TFB2M: variants seen among roughly 807,000 people sequenced by gnomAD.
The protein encoded by TFB2M is transcription factor B2, mitochondrial.
Under a neutral mutation model 41.3 loss-of-function variants are expected in TFB2M, and 44 were observed. The observed-to-expected ratio is 1.07, with a 90% CI of 0.84 to 1.37. TFB2M has a LOEUF of 1.37. Among genes scored for constraint, TFB2M ranks in the 40% most tolerant of loss-of-function variants. The probability of loss-of-function intolerance (pLI) is 0.00; values close to 1 mark genes in which losing one functional copy is unlikely to be tolerated. For synonymous variants in TFB2M, 188 were observed against 176.8 expected (o/e 1.06, Z -0.50); for missense variants, 496 against 490.2 (o/e 1.01, Z -0.11).
At position 246,551,261 on chromosome 1, in the gene TFB2M, T is replaced by C. The variant is rs147986673; in HGVS notation, c.747A>G (p.Val249=). ...ADPGNPDLYH[V]LSVIWQLACE... is the part of the protein sequence containing the mutation. Reference sequence around the variant, plus strand: ...AAGCTAATTGCCAGATAACACTTAATACATGATACAAGTCTGGATTTCCGG... The same window carrying C: ...AAGCTAATTGCCAGATAACACTTAACACATGATACAAGTCTGGATTTCCGG... Residue 249 remains valine (V), a synonymous_variant, in exon 5 of 8, where the codon GTA becomes GTG. Coordinates refer to ENST00000366514, the MANE Select transcript of TFB2M (RefSeq NM_022366.3). The C allele has an allele frequency of 1.9e-6, 3 of 1,613,982 alleles. No homozygotes were observed. Among genetic ancestry groups the C allele is most frequent in the African/African-American group, 1.3e-5 (1 of 75,052 alleles).
intron 6 of TFB2M, among the ~76,000 whole-genome samples, chr1:246,546,306 G>A (rs111651536): frequency 0.014 from 1,915 of 140,646 alleles, 40 homozygotes; most frequent in African/African-American, 0.046. Flanking sequence ...GTGAGACACT[G>A]TCTTTTAAAA....
At chr1:246,545,090 G>A (rs1470343370) in intron 6 of TFB2M, among the ~76,000 whole-genome samples, 2 of 152,062 alleles carry the variant, frequency 1.3e-5, no homozygotes, top group Middle Eastern at 3.2e-3. Context: ...ACAGGCGTGA[G>A]CCACCGTGCC....
Position 246,546,962 on chromosome 1 carries a change from TATATACACA to T in TFB2M, c.858+1574_858+1582del, listed in dbSNP as rs1659036017. Among the ~76,000 whole-genome samples the T allele has an allele frequency of 8.1e-5, 6 of 74,038 alleles. No individual in the cohort carries two copies. In the East Asian group the frequency reaches 1.5e-3, roughly 19 times the overall value. The allele number at this position is 74,038 out of a possible 152,430, so 48.6% of individuals were successfully genotyped here. Reference sequence around the variant, plus strand: ...TCATCCCTAAAAGTTTATATATGTATATATACACACACACACACACATTTTTTTTTTTTT... The same window carrying T: ...TCATCCCTAAAAGTTTATATATGTATCACACACACACATTTTTTTTTTTTT... On this transcript the variant is annotated intron_variant, in intron 6 of 7. Transcript: ENST00000366514.
In TFB2M at chr1:246,540,887, T is replaced by C. The variant is rs1362207205; in HGVS notation, c.*144A>G. 6 of 642,872 alleles carry C rather than the reference T, an allele frequency of 9.3e-6. No individual in the cohort carries two copies. Among genetic ancestry groups the C allele is most frequent in the Admixed American group, 3.5e-5 (1 of 28,548 alleles). 39.8% of individuals were successfully genotyped at this position (642,872 alleles called of 1,614,324 possible). On this transcript the variant is annotated 3_prime_UTR_variant, in exon 8 of 8. Transcript: ENST00000366514. ...TGTTTCATCCAATAAGCCAATGATA[T>C]CAGCTTAGGAGAAATGATCTGCCTG... is the stretch of plus-strand genomic sequence containing the variant.
rs1558508377 is a variant in TFB2M at position 246,544,608 on chromosome 1, T to A, written c.932A>T (p.Asn311Ile). Residue 311 changes from asparagine to isoleucine, a missense_variant, in exon 7 of 8, where the codon AAC (asparagine) becomes ATC (isoleucine). By Grantham distance (149) the Asn-to-Ile change is moderately radical. Coordinates refer to ENST00000366514, the MANE Select transcript of TFB2M (RefSeq NM_022366.3). Reference sequence around the variant, plus strand: ...TATATTATAGTTCATAGGTGTTAAGTTCTTGGTAAATAAATTTTGACGAGG... The same window carrying A: ...TATATTATAGTTCATAGGTGTTAAGATCTTGGTAAATAAATTTTGACGAGG... ...MIPRQNLFTKNLTPMNYNIFF... is the reference protein window; with the variant it reads ...MIPRQNLFTKILTPMNYNIFF... The A allele has an allele frequency of 6.2e-7, 1 of 1,610,232 alleles. No individual in the cohort carries two copies. The highest frequency in any genetic ancestry group is 1.1e-5 in the South Asian group (1 of 89,686).
chr1:246,543,237 G>A (rs150261460), intron 7 of TFB2M, among the ~76,000 whole-genome samples: 69 of 152,046 alleles, frequency 4.5e-4, no homozygotes, highest in Middle Eastern at 6.8e-3. Flanking sequence ...AATATTAAAT[G>A]ATCAAATTTG....
chr1:246,550,202 G>C (rs1456192178), intron 5 of TFB2M, among the ~76,000 whole-genome samples: 2 of 152,224 alleles, frequency 1.3e-5, no homozygotes, highest in African/African-American at 4.8e-5. Context: ...CAGAAGACTT[G>C]AGATGAAAGT....
intron 4 of TFB2M, among the ~76,000 whole-genome samples, chr1:246,553,081 G>A (rs966201832): frequency 1.2e-4 from 19 of 152,128 alleles, no homozygotes; most frequent in Admixed American, 9.2e-4. Context: ...AAGTAGCTGG[G>A]CATGGTGGCG....
In TFB2M at chr1:246,540,751, T is replaced by G. The variant is rs1468032926; in HGVS notation, c.*280A>C. 1 of 322,362 alleles carries G rather than the reference T, an allele frequency of 3.1e-6. No individual in the cohort carries two copies. Among genetic ancestry groups the G allele is most frequent in the Non-Finnish European group, 5.7e-6 (1 of 175,000 alleles). 20.0% of individuals were successfully genotyped at this position (322,362 alleles called of 1,614,324 possible). On this transcript the variant is annotated 3_prime_UTR_variant, in exon 8 of 8. Transcript: ENST00000366514. ...AAGAAGATGCAAAAATCAGCAACAG[T>G]ACAAGTGAAATATTTAAATAGGAAT...
intron 7 of TFB2M, among the ~76,000 whole-genome samples, chr1:246,542,155 T>G (rs533000742): frequency 1.3e-5 from 2 of 152,084 alleles, no homozygotes; most frequent in African/African-American, 4.8e-5. Context: ...TACAGCATCT[T>G]TATAATCTTA....
At chr1:246,546,983 A>ACACACACACACACACACACACACACACAC (rs764498048) in intron 6 of TFB2M, among the ~76,000 whole-genome samples, 4 of 127,180 alleles carry the variant, frequency 3.1e-5, no homozygotes, top group African/African-American at 8.9e-5. Context: ...ACACACACAC[A>ACACACACACACACACACACACACACACAC]TTTTTTTTTT....
intron 2 of TFB2M, among the ~76,000 whole-genome samples, chr1:246,557,957 C>A (rs1659367278): frequency 6.6e-6 from 1 of 152,118 alleles, no homozygotes; most frequent in South Asian, 2.1e-4. Flanking sequence ...GCGTGAGCCA[C>A]CACGCCCGGC....
intron 3 of TFB2M, among the ~76,000 whole-genome samples, chr1:246,556,957 A>G (rs1659339754): frequency 6.6e-6 from 1 of 152,112 alleles, no homozygotes; most frequent in African/African-American, 2.4e-5. Flanking sequence ...CTGCTCATAA[A>G]CTGTATTAAT....
chr1:246,551,173 G>C, intron 5 of TFB2M, 40 bp downstream of exon 5: 1 of 1,508,330 alleles, frequency 6.6e-7, no homozygotes, highest in Non-Finnish European at 9.2e-7. Context: ...AGACCCTGTC[G>C]CTAAAGAAAA....
chr1:246,557,517 C>G lies in TFB2M; in HGVS notation c.420G>C (p.Leu140=). ...AGTGAATCACTCGTAGTTTTCCATC[C>G]AGATTTTTTCCTAAGGACTAAAGAG... ...IPHLESLGKN[L]DGKLRVIHCD... Residue 140 remains leucine, a synonymous_variant, in exon 3 of 8, where the codon CTG becomes CTC. Transcript: ENST00000366514. 6.2e-7 allele frequency: 1 copy of G among 1,606,438 alleles called. No individual in the cohort carries two copies.
intron 7 of TFB2M, 64 bp from the exon 8 acceptor site, chr1:246,541,266 A>T (rs1658848199): frequency 9.4e-6 from 14 of 1,491,906 alleles, no homozygotes; most frequent in Non-Finnish European, 1.3e-5. Flanking sequence ...GTTCACGGTG[A>T]CAGAAATGGC....
At chr1:246,553,407 C>T (rs1488027551) in intron 4 of TFB2M, among the ~76,000 whole-genome samples, 10 of 152,154 alleles carry the variant, frequency 6.6e-5, no homozygotes, top group Admixed American at 6.5e-4. Flanking sequence ...CAGTGGCTCA[C>T]ACCTGCAATC....
At chr1:246,543,730 T>A (rs2102982562) in intron 7 of TFB2M, among the ~76,000 whole-genome samples, 1 of 152,210 alleles carries the variant, frequency 6.6e-6, no homozygotes, top group Non-Finnish European at 1.5e-5. Context: ...GGCCAGGAAT[T>A]TGAGACCAGC....
At chr1:246,560,671 T>G (rs948939529) in intron 2 of TFB2M, among the ~76,000 whole-genome samples, 5 of 152,336 alleles carry the variant, frequency 3.3e-5, no homozygotes, top group African/African-American at 1.2e-4. Context: ...AGCTTCAGGA[T>G]AAATAATTCA....
Sources: gnomAD v4.1 joint callset for allele counts (sites outside exome capture counted in the v4.1 genomes callset) on GRCh38, gnomAD v4.1.1 for gene constraint, MANE v1.5 for transcripts, NCBI Gene and HGNC (gene_info 2026-07-23, HGNC 2026-07-21) for gene names.